CPS1: variants seen among roughly 807,000 people sequenced by gnomAD.
CPS1 encodes carbamoyl-phosphate synthase [ammonia], mitochondrial.
CPS1 carries 109 observed loss-of-function variants against 174.6 expected under a neutral mutation model. That is an observed-to-expected ratio of 0.62 (90% CI 0.53 to 0.73). The LOEUF (loss-of-function observed/expected upper bound fraction) is 0.73. Ranked by LOEUF, CPS1 falls within the 30% of genes least tolerant of loss-of-function variation. CPS1 has a pLI of 0.00. For missense variants in CPS1, 1,689 were observed against 1,821.9 expected (o/e 0.93, Z 1.33); for synonymous variants, 637 against 632.0 (o/e 1.01, Z -0.12).
intron 21 of CPS1, among the ~76,000 whole-genome samples, chr2:210,628,597 T>G (rs1398803017): frequency 6.6e-6 from 1 of 152,140 alleles, no homozygotes; most frequent in African/African-American, 2.4e-5. Context: ...GTCAGGAGTT[T>G]GAGACCAGCC....
chr2:210,668,966 T>A (rs1701198253), intron 34 of CPS1, among the ~76,000 whole-genome samples: 1 of 152,184 alleles, frequency 6.6e-6, no homozygotes, highest in Admixed American at 6.5e-5. Flanking sequence ...TGTTATTTGA[T>A]TAAATTTCTC....
intron 21 of CPS1, among the ~76,000 whole-genome samples, chr2:210,621,039 T>G (rs1699506475): frequency 6.6e-6 from 1 of 152,098 alleles, no homozygotes; most frequent in Admixed American, 6.5e-5. Context: ...ATAACCATTA[T>G]TTAGACAGCT....
chr2:210,601,243 A>C (rs1283360893), intron 15 of CPS1, among the ~76,000 whole-genome samples: 1 of 151,922 alleles, frequency 6.6e-6, no homozygotes, highest in African/African-American at 2.4e-5. Flanking sequence ...TCAATAAGCT[A>C]TTAACAGTTA....
intron 1 of CPS1, among the ~76,000 whole-genome samples, chr2:210,518,397 A>G (rs1695735906): frequency 6.6e-6 from 1 of 151,992 alleles, no homozygotes; most frequent in African/African-American, 2.4e-5. Flanking sequence ...TAGAATAAAG[A>G]CTATATTTCC....
At chr2:210,600,452 T>C in intron 14 of CPS1, 103 bp from the exon 15 acceptor site, 1 of 1,173,684 alleles carries the variant, frequency 8.5e-7, no homozygotes, top group Non-Finnish European at 1.2e-6. Flanking sequence ...CAGTGGTAAC[T>C]TCTCGGATTT....
chr2:210,486,601 C>T (rs1393307896), intron 1 of CPS1, among the ~76,000 whole-genome samples: 1 of 152,228 alleles, frequency 6.6e-6, no homozygotes, highest in Admixed American at 6.5e-5. Context: ...ACCTCCGCCT[C>T]CTGGGTTCAA....
intron 1 of CPS1, 86 bp downstream of exon 1, chr2:210,556,945 C>T: frequency 2.0e-6 from 3 of 1,469,242 alleles, no homozygotes; most frequent in Non-Finnish European, 2.9e-6. Flanking sequence ...AAGGCAAATA[C>T]AGTTTTGAAT....
intron 34 of CPS1, chr2:210,671,526 C>T (rs1701301746): frequency 6.6e-6 from 1 of 152,078 alleles, no homozygotes; most frequent in African/African-American, 2.4e-5. Flanking sequence ...AATAAATCAG[C>T]TTGTACTTTT....
In CPS1 at chr2:210,590,168, G is replaced by A. The variant is rs368006557; in HGVS notation, c.774G>A (p.Gly258=). ...ATTTCACCAAGATGGAGTATGATGGGATTTTGATCGCGGGAGGACCGGGGA... is the reference window on the plus strand; with the variant it reads ...ATTTCACCAAGATGGAGTATGATGGAATTTTGATCGCGGGAGGACCGGGGA... ...NHDFTKMEYD[G]ILIAGGPGNP... Residue 258 remains glycine, a synonymous_variant, in exon 8 of 38, where the codon GGG becomes GGA. Coordinates refer to ENST00000233072, the MANE Select transcript of CPS1 (RefSeq NM_001875.5). 1.2e-6 allele frequency: 2 copies of A among 1,612,816 alleles called. No individual in the cohort carries two copies. The highest frequency in any genetic ancestry group is 2.7e-5 in the African/African-American group (2 of 74,778).
chr2:210,524,926 C>T (rs1695933811), intron 1 of CPS1, among the ~76,000 whole-genome samples: 1 of 151,886 alleles, frequency 6.6e-6, no homozygotes, highest in Non-Finnish European at 1.5e-5. Context: ...TAACTTATAC[C>T]AAATCTGGTA....
chr2:210,573,260 T>C, intron 1 of CPS1, 38 bp from the exon 2 acceptor site: 1 of 1,522,570 alleles, frequency 6.6e-7, no homozygotes, highest in South Asian at 1.1e-5. Context: ...TGTTTTGTAT[T>C]ATGTATTCTG....
chr2:210,576,255 C>A, intron 2 of CPS1, 91 bp from the exon 3 acceptor site: 2 of 1,361,184 alleles, frequency 1.5e-6, no homozygotes, highest in Non-Finnish European at 2.1e-6. Flanking sequence ...TTCTCATTTT[C>A]AAGGGTTAAA....
intron 1 of CPS1, among the ~76,000 whole-genome samples, chr2:210,497,725 A>C (rs2105958662): frequency 6.6e-6 from 1 of 151,728 alleles, no homozygotes; most frequent in South Asian, 2.1e-4. Context: ...ACATAATTTC[A>C]TTCTTTTTTG....
intron 1 of CPS1, among the ~76,000 whole-genome samples, chr2:210,499,025 C>G (rs1695075384): frequency 6.6e-6 from 1 of 152,160 alleles, no homozygotes; most frequent in East Asian, 1.9e-4. Context: ...GAGGGTGGAG[C>G]AGAGAGGGCC....
At position 210,637,801 on chromosome 2, in the gene CPS1, G is replaced by A. The variant is rs1700084747; in HGVS notation, c.2787G>A (p.Arg929=). 1.2e-6 allele frequency: 2 copies of A among 1,613,932 alleles called. No individual in the cohort carries two copies. The highest frequency in any genetic ancestry group is 1.7e-6 in the Non-Finnish European group (2 of 1,179,900). Reference sequence around the variant, plus strand: ...TTGGGCTCACTGAGGCCCAGACAAGGGAGCTGAGGTTAAAGAAAAACATCC... The same window carrying A: ...TTGGGCTCACTGAGGCCCAGACAAGAGAGCTGAGGTTAAAGAAAAACATCC... ...KCLGLTEAQT[R]ELRLKKNIHP... The change falls in exon 22 of 38, where the codon AGG becomes AGA. Residue 929 remains arginine, a synonymous_variant. Transcript: ENST00000233072.
intron 22 of CPS1, among the ~76,000 whole-genome samples, chr2:210,638,790 T>G (rs1338331674): frequency 2.0e-5 from 3 of 152,176 alleles, no homozygotes; most frequent in Non-Finnish European, 4.4e-5. Flanking sequence ...AAGAGATCCT[T>G]ACGTATAGGT....
chr2:210,632,902 AT>A (rs1699913619), intron 21 of CPS1, among the ~76,000 whole-genome samples: 2 of 152,234 alleles, frequency 1.3e-5, no homozygotes, highest in African/African-American at 4.8e-5. Flanking sequence ...ATACATTCTA[AT>A]TTTTAAGACA....
intron 2 of CPS1, among the ~76,000 whole-genome samples, chr2:210,574,022 G>A (rs1165950326): frequency 1.3e-5 from 2 of 151,932 alleles, no homozygotes; most frequent in East Asian, 3.9e-4. Context: ...CAATGAAAAC[G>A]AGAGTTGCTA....
intron 1 of CPS1, among the ~76,000 whole-genome samples, chr2:210,525,619 A>G (rs1333713290): frequency 1.3e-5 from 2 of 151,678 alleles, no homozygotes; most frequent in African/African-American, 4.8e-5. Flanking sequence ...TGGCAGTGAT[A>G]AGGGACACAA....
Sources: allele counts gnomAD v4.1 joint callset (sites outside exome capture counted in the v4.1 genomes callset), GRCh38; gene constraint gnomAD v4.1.1; transcripts MANE v1.5; gene names NCBI Gene and HGNC (gene_info 2026-07-23, HGNC 2026-07-21).